MEIS2: variants seen among roughly 807,000 people sequenced by gnomAD.
MEIS2 encodes homeobox protein Meis2.
Under a neutral mutation model 58.6 loss-of-function variants are expected in MEIS2, and 9 were observed. That is an observed-to-expected ratio of 0.15 (90% CI 0.09 to 0.27). The LOEUF is 0.27. MEIS2 is among the 10% of genes least tolerant of loss of function. The probability of loss-of-function intolerance (pLI) is 1.00; values close to 1 mark genes in which losing one functional copy is unlikely to be tolerated. For missense variants in MEIS2, 427 were observed against 635.0 expected, an observed-to-expected ratio of 0.67 and a Z score of 3.52; for synonymous variants, 221 against 228.4, an observed-to-expected ratio of 0.97 and a Z score of 0.29.
rs1407852709 is a variant in MEIS2 at position 36,996,024 on chromosome 15, TATATATATACACACACACACAC to T, written c.900+40768_900+40789del. ...ATATGTATATATATATACATATGTG[TATATATATACACACACACACAC>T]ATATATATATACACACACATATATA... On this transcript the variant is annotated intron_variant, in intron 8 of 11. Coordinates refer to ENST00000561208, the MANE Select transcript of MEIS2 (RefSeq NM_170675.5). 1.9e-3 allele frequency among the ~76,000 whole-genome samples: 166 copies of T among 87,720 alleles called. 1 individual carries two copies. Among genetic ancestry groups the T allele is most frequent in the African/African-American group, 4.4e-3 (131 of 29,720 alleles). The allele number at this position is 87,720 out of a possible 152,430, so 57.5% of individuals were successfully genotyped here.
chr15:36,970,247 CAA>C (rs911577604), intron 8 of MEIS2, among the ~76,000 whole-genome samples: 1 of 151,760 alleles, frequency 6.6e-6, no homozygotes, highest in Non-Finnish European at 1.5e-5. Flanking sequence ...ACTAAAAATA[CAA>C]AAAAATTAGC....
chr15:36,930,780 G>A lies in MEIS2; in HGVS notation c.977+19544C>T, dbSNP rs570372085. On this transcript the variant is annotated intron_variant, in intron 9 of 11. Coordinates refer to ENST00000561208, the MANE Select transcript of MEIS2 (RefSeq NM_170675.5). ...GTTCATGTATGCTCATCATATATAC[G>A]CACATCTTTCTATAAGTACAAACAT... Among the ~76,000 whole-genome samples, 30 of 152,212 alleles carry A rather than the reference G, an allele frequency of 2.0e-4. No homozygotes were observed. In the South Asian group the frequency reaches 3.9e-3, roughly 20 times the overall value.
In MEIS2 at chr15:37,099,608, T is replaced by C. The variant is rs558903177; in HGVS notation, c.-142A>G. 1.5e-5 allele frequency: 19 copies of C among 1,239,596 alleles called. No homozygotes were observed. The highest frequency in any genetic ancestry group is 1.3e-4 in the South Asian group (8 of 61,056). The allele number at this position is 1,239,596 out of a possible 1,614,324, so 76.8% of individuals were successfully genotyped here. On this transcript the variant is annotated 5_prime_UTR_variant, in exon 1 of 12. Coordinates refer to ENST00000561208, the MANE Select transcript of MEIS2 (RefSeq NM_170675.5). ...CCCAATTCTCCAATATGCTATTTTT[T>C]AGGGGGGAAAAAAAGCCCAGTCTAG...
At chr15:36,985,209 TTCTA>T (rs2060055862) in intron 8 of MEIS2, among the ~76,000 whole-genome samples, 2 of 152,170 alleles carry the variant, frequency 1.3e-5, no homozygotes, top group African/African-American at 4.8e-5. Context: ...CTCCTTTTCT[TTCTA>T]TCTTTCTATC....
intron 9 of MEIS2, among the ~76,000 whole-genome samples, chr15:36,922,277 C>T (rs962823909): frequency 6.6e-6 from 1 of 152,154 alleles, no homozygotes; most frequent in Non-Finnish European, 1.5e-5. Context: ...AGGGAAAAAC[C>T]TTGTTCACTT....
chr15:36,900,877 C>T (rs765889636), intron 9 of MEIS2: 1 of 152,194 alleles, frequency 6.6e-6, no homozygotes, highest in Non-Finnish European at 1.5e-5. Context: ...CTCCACCCCC[C>T]AATCTTTTTA....
intron 8 of MEIS2, among the ~76,000 whole-genome samples, chr15:36,992,677 G>A (rs1389389258): frequency 1.3e-5 from 2 of 152,022 alleles, no homozygotes; most frequent in East Asian, 1.9e-4. Context: ...TTGAAACTGG[G>A]TCTTTGAGTT....
rs1285717933 is a variant in MEIS2, at chr15:37,077,874, G to T, written c.754+5897C>A. On this transcript the variant is annotated intron_variant, in intron 7 of 11. Transcript: ENST00000561208. ...CCAGATGGTCTCTATTGAGAGCGCT[G>T]CAAACAGAGAGAGATGAACTGCATC... Among the ~76,000 whole-genome samples, 3 of 152,080 alleles carry T rather than the reference G, an allele frequency of 2.0e-5. No homozygotes were observed. In the East Asian group the frequency reaches 5.8e-4, roughly 29 times the overall value.
chr15:37,052,758 C>T (rs916412677), intron 7 of MEIS2, among the ~76,000 whole-genome samples: 1 of 152,212 alleles, frequency 6.6e-6, no homozygotes, highest in African/African-American at 2.4e-5. Flanking sequence ...AATAGAGTCA[C>T]CGCTGGTTGA....
At chr15:37,001,820 C>T (rs369842140) in intron 8 of MEIS2, among the ~76,000 whole-genome samples, 6 of 151,982 alleles carry the variant, frequency 3.9e-5, no homozygotes, top group Admixed American at 2.0e-4. Flanking sequence ...ATAAGAGGTT[C>T]GATATACAAA....
At position 36,979,157 on chromosome 15, in the gene MEIS2, G is replaced by A. The variant is rs372057491; in HGVS notation, c.901-28757C>T. Among the ~76,000 whole-genome samples, 6 of 152,188 alleles carry A rather than the reference G, an allele frequency of 3.9e-5. No homozygotes were observed. In the East Asian group the frequency reaches 1.2e-3, roughly 29 times the overall value. ...AGCTGACCTTATGTGACAGGTCTCA[G>A]TCAAAACACAGTGAAAATTTTGTTT... On this transcript the variant is annotated intron_variant, in intron 8 of 11. Coordinates refer to ENST00000561208, the MANE Select transcript of MEIS2 (RefSeq NM_170675.5).
At chr15:36,989,517 T>C (rs1227319301) in intron 8 of MEIS2, among the ~76,000 whole-genome samples, 1 of 152,176 alleles carries the variant, frequency 6.6e-6, no homozygotes. Context: ...TCACACAGGG[T>C]CAGCTCGGAC....
chr15:36,956,921 G>A (rs185443281), intron 8 of MEIS2, among the ~76,000 whole-genome samples: 1 of 148,574 alleles, frequency 6.7e-6, no homozygotes, highest in Non-Finnish European at 1.5e-5. Flanking sequence ...AGAAGCATGA[G>A]GAGGAAAAGG....
At position 37,052,504 on chromosome 15, in the gene MEIS2, ACAGAAATGGAATT is replaced by A. The variant is rs2062965332; in HGVS notation, c.755-15558_755-15546del. Among the ~76,000 whole-genome samples the A allele has an allele frequency of 4.6e-5, 7 of 152,322 alleles. No homozygotes were observed. The South Asian group carries it at 1.2e-3, about 27-fold the overall frequency. On this transcript the variant is annotated intron_variant, in intron 7 of 11. Transcript: ENST00000561208. Reference sequence around the variant, plus strand: ...CTCACCACACAGACTCTATTCTTACACAGAAATGGAATTCATATTTTTAAAGGGTGGGTGAAAG... The same window carrying A: ...CTCACCACACAGACTCTATTCTTACACATATTTTTAAAGGGTGGGTGAAAG...
chr15:36,995,237 G>C (rs1465889844), intron 8 of MEIS2, among the ~76,000 whole-genome samples: 3 of 152,148 alleles, frequency 2.0e-5, no homozygotes, highest in Non-Finnish European at 2.9e-5. Flanking sequence ...TTTATGTAAA[G>C]TCTATTTGAT....
chr15:36,974,559 C>T (rs542362098), intron 8 of MEIS2, among the ~76,000 whole-genome samples: 86 of 152,154 alleles, frequency 5.7e-4, no homozygotes, highest in Non-Finnish European at 1.1e-3. Context: ...CATTTAATCA[C>T]GTTGAAATAA....
chr15:37,026,633 G>T (rs1166180521), intron 8 of MEIS2, among the ~76,000 whole-genome samples: 1 of 152,242 alleles, frequency 6.6e-6, no homozygotes, highest in South Asian at 2.1e-4. Flanking sequence ...TTTGGCGGGG[G>T]GAGAGTGGTG....
In MEIS2 at chr15:36,895,144, A is replaced by C. The variant is rs1296285590; in HGVS notation, c.1147+7T>G. 6 of 1,612,228 alleles carry C rather than the reference A, an allele frequency of 3.7e-6. No individual in the cohort carries two copies. The highest frequency in any genetic ancestry group is 3.3e-4 in the Middle Eastern group (2 of 6,032). On this transcript the variant is annotated splice_region_variant and intron_variant, in intron 11 of 11. Coordinates refer to ENST00000561208, the MANE Select transcript of MEIS2 (RefSeq NM_170675.5). The stretch of plus-strand genomic sequence containing the variant: ...GGGAAGCCCAGAGGCGGGATGAGCC[A>C]ACCTACCTGCAGGCCGGATCCCCAT...
chr15:37,026,879 T>G (rs559678462), intron 8 of MEIS2, among the ~76,000 whole-genome samples: 37 of 152,336 alleles, frequency 2.4e-4, no homozygotes, highest in African/African-American at 8.7e-4. Context: ...TATTGTGACT[T>G]GACAACTTAT....
Sources: gnomAD v4.1 joint callset for allele counts (sites outside exome capture counted in the v4.1 genomes callset) on GRCh38, gnomAD v4.1.1 for gene constraint, MANE v1.5 for transcripts, NCBI Gene and HGNC (gene_info 2026-07-23, HGNC 2026-07-21) for gene names.